The following ATL1 variants were observed in gnomAD, a reference collection of about 807,000 sequenced individuals.
ATL1 encodes the protein atlastin GTPase 1, also known as atlastin-1.
In ATL1, 31 loss-of-function variants were observed where a neutral mutation model predicts 75.5. The observed-to-expected ratio is 0.41, with a 90% CI of 0.31 to 0.55. ATL1 has a LOEUF of 0.55. Ranked by LOEUF, ATL1 falls within the 20% of genes least tolerant of loss-of-function variation. The pLI is 0.27. For missense variants in ATL1, 405 were observed against 662.6 expected (o/e 0.61, Z 4.27); for synonymous variants, 226 against 233.3 (o/e 0.97, Z 0.28).
chr14:50,550,742 A>G (rs1263457232), intron 1 of ATL1, among the ~76,000 whole-genome samples: 2 of 152,248 alleles, frequency 1.3e-5, no homozygotes, highest in Non-Finnish European at 2.9e-5. Flanking sequence ...TAGCTCCAAA[A>G]GGAATCCTCA....
chr14:50,547,437 A>G (rs889692051), intron 1 of ATL1, among the ~76,000 whole-genome samples: 1 of 152,198 alleles, frequency 6.6e-6, no homozygotes, highest in African/African-American at 2.4e-5. Flanking sequence ...GCTGAATAAA[A>G]ACAAGGACGG....
chr14:50,592,448 G>A (rs1319437834), intron 4 of ATL1, among the ~76,000 whole-genome samples: 1 of 151,744 alleles, frequency 6.6e-6, no homozygotes, highest in Non-Finnish European at 1.5e-5. Context: ...CAGCAACAAG[G>A]GCGTCATATA....
intron 6 of ATL1, among the ~76,000 whole-genome samples, chr14:50,598,057 A>G (rs979222817): frequency 2.6e-5 from 4 of 152,182 alleles, no homozygotes; most frequent in Non-Finnish European, 5.9e-5. Flanking sequence ...TATATATACC[A>G]TTCACAATAG....
chr14:50,621,716 A>G (rs1209414697), intron 9 of ATL1, 127 bp from the exon 10 acceptor site: 1 of 686,944 alleles, frequency 1.5e-6, no homozygotes, highest in African/African-American at 1.8e-5. Flanking sequence ...AGTATGAGAA[A>G]GATAAAATAG....
At chr14:50,555,967 A>G (rs2038760196), upstream of ATL1, among the ~76,000 whole-genome samples, 1 of 152,200 alleles carries the variant, frequency 6.6e-6, no homozygotes, top group East Asian at 1.9e-4. Flanking sequence ...GAGGAAAATG[A>G]GCATGGTGAA....
At chr14:50,605,267 A>G (rs1417591768) in intron 6 of ATL1, among the ~76,000 whole-genome samples, 3 of 151,676 alleles carry the variant, frequency 2.0e-5, no homozygotes, top group East Asian at 3.9e-4. Context: ...TGCAATATCC[A>G]TAGACTTCCC....
At chr14:50,539,887 A>G (rs1013721989) in intron 1 of ATL1, among the ~76,000 whole-genome samples, 2 of 152,244 alleles carry the variant, frequency 1.3e-5, no homozygotes, top group African/African-American at 4.8e-5. Flanking sequence ...CATACTGTAG[A>G]AGAAAGAATC....
intron 1 of ATL1, among the ~76,000 whole-genome samples, chr14:50,543,971 C>G (rs1181842419): frequency 2.0e-5 from 3 of 152,126 alleles, no homozygotes; most frequent in African/African-American, 7.2e-5. Context: ...CTTCAGATCA[C>G]TAAATCAACA....
intron 1 of ATL1, among the ~76,000 whole-genome samples, chr14:50,581,862 G>C (rs2039058280): frequency 6.6e-6 from 1 of 152,134 alleles, no homozygotes; most frequent in African/African-American, 2.4e-5. Flanking sequence ...CATATTTACT[G>C]ATTTTTGTCT....
chr14:50,613,261 T>G lies in ATL1; in HGVS notation c.633T>G (p.Ser211Arg), dbSNP rs141454143. ...AATCCTTTCTTATTATTTTTTAGAG[T>G]CTGATATTTCTTGTTCGAGACTGGA... is the stretch of plus-strand genomic sequence containing the variant. ...MEETFLKPFQ[S>R]LIFLVRDWSF... Residue 211 changes from serine (S) to arginine (R), a missense_variant and splice_region_variant, in exon 7 of 14, where the codon AGT (serine) becomes AGG (arginine). Ser to Arg is a moderately radical substitution (Grantham distance 110). Around this residue, in one of 5 missense-constraint regions of ATL1, gnomAD observed 59 missense variants for 161.4 expected, o/e 0.37. Coordinates refer to ENST00000358385, the MANE Select transcript of ATL1 (RefSeq NM_015915.5). The G allele has an allele frequency of 1.2e-6, 2 of 1,611,102 alleles. No individual in the cohort carries two copies. The highest frequency in any genetic ancestry group is 1.1e-5 in the South Asian group (1 of 90,998).
Position 50,629,885 on chromosome 14 carries a change from C to CTGT in ATL1, c.1552-108_1552-106dup, listed in dbSNP as rs1270472295. The CTGT allele has an allele frequency of 8.3e-6, 6 of 724,430 alleles. No individual in the cohort carries two copies. The Admixed American group carries it at 2.2e-4, about 27-fold the overall frequency. The allele number at this position is 724,430 out of a possible 1,614,324, so 44.9% of individuals were successfully genotyped here. On this transcript the variant is annotated intron_variant, in intron 12 of 13. Transcript: ENST00000358385. ...TAAACTGAAAAATCTGCAGGAGTAT[C>CTGT]TGTTCTGAAATGCTCACAAATTAAT...
At chr14:50,590,892 A>G in intron 2 of ATL1, 49 bp from the exon 3 acceptor site, 1 of 1,590,656 alleles carries the variant, frequency 6.3e-7, no homozygotes, top group Non-Finnish European at 8.6e-7. Flanking sequence ...AATGGAAAAA[A>G]CTATATACAC....
intron 9 of ATL1, among the ~76,000 whole-genome samples, chr14:50,621,493 G>C (rs957515046): frequency 2.0e-5 from 3 of 152,152 alleles, no homozygotes; most frequent in African/African-American, 7.2e-5. Context: ...ACCTTCACAA[G>C]GGTCTGTTCC....
At chr14:50,568,910 T>G (rs1156822031) in intron 1 of ATL1, among the ~76,000 whole-genome samples, 1 of 152,212 alleles carries the variant, frequency 6.6e-6, no homozygotes, top group Non-Finnish European at 1.5e-5. Context: ...ACACTCTAAT[T>G]TGAATTTATA....
intron 1 of ATL1, among the ~76,000 whole-genome samples, chr14:50,536,700 T>G (rs1456120923): frequency 6.6e-6 from 1 of 152,224 alleles, no homozygotes; most frequent in African/African-American, 2.4e-5. Context: ...TTGTTGGAAC[T>G]GGAGCAAAGG....
intron 13 of ATL1, among the ~76,000 whole-genome samples, chr14:50,630,215 C>T (rs2039566814): frequency 6.6e-6 from 1 of 152,142 alleles, no homozygotes; most frequent in South Asian, 2.1e-4. Flanking sequence ...ATTTGATCTA[C>T]ACACACACAA....
chr14:50,537,093 C>T (rs914644157), intron 1 of ATL1, among the ~76,000 whole-genome samples: 1 of 152,184 alleles, frequency 6.6e-6, no homozygotes, highest in African/African-American at 2.4e-5. Context: ...GGCCAGGAGA[C>T]CTAGGAGGAA....
At chr14:50,618,491 G>A (rs1013620206) in intron 8 of ATL1, among the ~76,000 whole-genome samples, 1 of 152,066 alleles carries the variant, frequency 6.6e-6, no homozygotes, top group Non-Finnish European at 1.5e-5. Flanking sequence ...TGTAAATCAC[G>A]GTCACTAGAA....
intron 1 of ATL1, among the ~76,000 whole-genome samples, chr14:50,537,522 G>A (rs2088031): frequency 0.92 from 140,516 of 152,200 alleles, 65,652 homozygotes; most frequent in Non-Finnish European, 0.99. Context: ...ACAGAATGGT[G>A]GATCCACTGA....
Sources: allele counts gnomAD v4.1 joint callset (sites outside exome capture counted in the v4.1 genomes callset), GRCh38; gene constraint gnomAD v4.1.1; regional missense constraint gnomAD v4.1.1; transcripts MANE v1.5; gene names NCBI Gene and HGNC (gene_info 2026-07-23, HGNC 2026-07-21).